SLC35F1: variants seen among roughly 807,000 people sequenced by gnomAD.
The protein encoded by SLC35F1 is solute carrier family 35 member F1, also known as chromosome 6 open reading frame 169.
In SLC35F1, 14 loss-of-function variants were observed where a neutral mutation model predicts 48.7. The ratio of observed to expected loss-of-function variants is 0.29; its 90% confidence interval spans 0.19 to 0.45. SLC35F1 has a LOEUF of 0.45. Among genes scored for constraint, SLC35F1 ranks in the 20% least tolerant of loss-of-function variants. The probability of loss-of-function intolerance (pLI) is 1.00; values close to 1 mark genes in which losing one functional copy is unlikely to be tolerated. For synonymous variants in SLC35F1, 190 were observed against 202.2 expected (o/e 0.94, Z 0.51); for missense variants, 404 against 500.0 (o/e 0.81, Z 1.83).
chr6:118,198,490 A>C (rs1210670739), intron 2 of SLC35F1, among the ~76,000 whole-genome samples: 1 of 152,226 alleles, frequency 6.6e-6, no homozygotes, highest in Non-Finnish European at 1.5e-5. Context: ...ATCTGAAAGC[A>C]AATTAGTGAA....
At chr6:117,985,680 ATACCTCTATCCATT>A (rs1275249414) in intron 1 of SLC35F1, among the ~76,000 whole-genome samples, 1 of 152,212 alleles carries the variant, frequency 6.6e-6, no homozygotes, top group African/African-American at 2.4e-5. Flanking sequence ...GAAACTGTGA[ATACCTCTATCCATT>A]GACTCATTTC....
rs1775740938 is a variant in SLC35F1 at position 118,263,835 on chromosome 6, GA to G, written c.478-3157del. Among the ~76,000 whole-genome samples, 3 of 152,176 alleles carry G rather than the reference GA, an allele frequency of 2.0e-5. No homozygotes were observed. The South Asian group carries it at 6.2e-4, about 32-fold the overall frequency. On this transcript the variant is annotated intron_variant, in intron 3 of 7. Transcript: ENST00000360388. ...GTTTTATGTTATGTGACCACGAGGG[GA>G]AAGCTGAAGGCAAAAATCACTAAAA...
chr6:117,921,453 T>A (rs1394428703), intron 1 of SLC35F1, among the ~76,000 whole-genome samples: 2 of 152,266 alleles, frequency 1.3e-5, no homozygotes, highest in African/African-American at 4.8e-5. Flanking sequence ...TTACTCTTTT[T>A]TAGCTGTTCT....
At chr6:118,185,208 C>T (rs991221576) in intron 2 of SLC35F1, among the ~76,000 whole-genome samples, 4 of 152,144 alleles carry the variant, frequency 2.6e-5, no homozygotes, top group African/African-American at 9.7e-5. Context: ...GAATATCTTT[C>T]TTGTGTGGGG....
At position 117,907,754 on chromosome 6, in the gene SLC35F1, C is replaced by T. The variant is rs766379962; in HGVS notation, c.28C>T (p.Gln10Ter). 1 of 1,557,524 alleles carries T rather than the reference C, an allele frequency of 6.4e-7. No homozygotes were observed. The highest frequency in any genetic ancestry group is 8.6e-7 in the Non-Finnish European group (1 of 1,160,782). Residue 10 changes from glutamine (Q) to a stop codon, truncating the protein, a stop_gained, in exon 1 of 8, where the codon CAG becomes TAG. Transcript: ENST00000360388. LOFTEE classifies it high-confidence loss of function. MIPPEQPQQ[Q>*]LQPPSPAPPN... is the part of the protein sequence containing the mutation. ...GATCCCCCCTGAGCAGCCGCAGCAG[C>T]AGCTGCAGCCGCCGTCGCCAGCCCC...
In SLC35F1 at chr6:117,971,492, T is replaced by C. The variant is rs531406785; in HGVS notation, c.173+63593T>C. 1.4e-4 allele frequency among the ~76,000 whole-genome samples: 21 copies of C among 152,352 alleles called. No homozygotes were observed. In the Middle Eastern group the frequency reaches 0.02, roughly 148 times the overall value. Reference sequence around the variant, plus strand: ...ACAGCTCCACTAAGCAGTGCCCCAGTAGGGACTCTGTGTGGGGACTCCAAC... The same window carrying C: ...ACAGCTCCACTAAGCAGTGCCCCAGCAGGGACTCTGTGTGGGGACTCCAAC... On this transcript the variant is annotated intron_variant, in intron 1 of 7. Transcript: ENST00000360388.
chr6:118,192,214 C>T lies in SLC35F1; in HGVS notation c.349+37594C>T, dbSNP rs370936738. Among the ~76,000 whole-genome samples, 9 of 152,138 alleles carry T rather than the reference C, an allele frequency of 5.9e-5. 1 individual carries two copies. The East Asian group carries it at 1.5e-3, about 26-fold the overall frequency. On this transcript the variant is annotated intron_variant, in intron 2 of 7. Coordinates refer to ENST00000360388, the MANE Select transcript of SLC35F1 (RefSeq NM_001029858.4). ...TATAGCTAAGCAGTTTCAGTATTCGCTGATTTAACATGCAAATCTGGCAAA... is the reference window on the plus strand; with the variant it reads ...TATAGCTAAGCAGTTTCAGTATTCGTTGATTTAACATGCAAATCTGGCAAA...
chr6:118,015,953 C>A (rs1437197266), intron 1 of SLC35F1, among the ~76,000 whole-genome samples: 1 of 152,118 alleles, frequency 6.6e-6, no homozygotes, highest in African/African-American at 2.4e-5. Flanking sequence ...CAGTTATTTG[C>A]TAAATAAATT....
intron 6 of SLC35F1, among the ~76,000 whole-genome samples, chr6:118,281,766 C>T (rs770637489): frequency 6.6e-6 from 1 of 152,204 alleles, no homozygotes; most frequent in Non-Finnish European, 1.5e-5. Context: ...CCCATTTGAA[C>T]ACCTTTGTAA....
At chr6:117,913,426 A>G (rs1478804927) in intron 1 of SLC35F1, among the ~76,000 whole-genome samples, 1 of 152,246 alleles carries the variant, frequency 6.6e-6, no homozygotes, top group Non-Finnish European at 1.5e-5. Flanking sequence ...TGACATGTGT[A>G]TCACTATTTA....
intron 1 of SLC35F1, among the ~76,000 whole-genome samples, chr6:117,973,066 T>C (rs1052407172): frequency 6.6e-6 from 1 of 152,172 alleles, no homozygotes; most frequent in Non-Finnish European, 1.5e-5. Context: ...TAGAAATTTA[T>C]TTTTTTCACA....
At chr6:118,266,924 A>C in intron 3 of SLC35F1, 71 bp from the exon 4 acceptor site, 1 of 1,552,092 alleles carries the variant, frequency 6.4e-7, no homozygotes. Flanking sequence ...GAACTAAATT[A>C]CTTTTCCCTA....
intron 1 of SLC35F1, among the ~76,000 whole-genome samples, chr6:118,003,740 A>AT (rs1777138119): frequency 1.3e-5 from 2 of 152,200 alleles, no homozygotes; most frequent in Non-Finnish European, 2.9e-5. Context: ...TATATTAATG[A>AT]TTTTACATTT....
At chr6:118,219,736 G>C (rs1775121147) in intron 2 of SLC35F1, among the ~76,000 whole-genome samples, 1 of 152,160 alleles carries the variant, frequency 6.6e-6, no homozygotes, top group African/African-American at 2.4e-5. Context: ...TATTGCAGCA[G>C]TATTCACAAT....
intron 2 of SLC35F1, among the ~76,000 whole-genome samples, chr6:118,159,036 T>C (rs750475121): frequency 5.9e-5 from 9 of 151,280 alleles, no homozygotes; most frequent in East Asian, 2.0e-4. Flanking sequence ...CTGGCTAACA[T>C]GGTGAAACCC....
intron 1 of SLC35F1, among the ~76,000 whole-genome samples, chr6:118,023,612 A>G (rs1299860816): frequency 6.6e-6 from 1 of 152,192 alleles, no homozygotes; most frequent in East Asian, 1.9e-4. Context: ...GGCCCTCACT[A>G]TTCATCTGTG....
At chr6:117,908,392 G>T (rs1457426709) in intron 1 of SLC35F1, among the ~76,000 whole-genome samples, 5 of 152,218 alleles carry the variant, frequency 3.3e-5, no homozygotes, top group Non-Finnish European at 4.4e-5. Flanking sequence ...GAATGGGGTC[G>T]CAGCGACAGC....
chr6:118,121,538 T>C (rs1460511386), intron 1 of SLC35F1, among the ~76,000 whole-genome samples: 4 of 152,204 alleles, frequency 2.6e-5, no homozygotes, highest in African/African-American at 4.8e-5. Context: ...TACAAATACC[T>C]CCTTAGTGAA....
At chr6:118,002,883 A>G (rs777843992) in intron 1 of SLC35F1, among the ~76,000 whole-genome samples, 29 of 152,002 alleles carry the variant, frequency 1.9e-4, no homozygotes, top group African/African-American at 6.3e-4. Context: ...TAGAACTCCA[A>G]CCATGCTATT....
Sources: gnomAD v4.1 joint callset for allele counts (sites outside exome capture counted in the v4.1 genomes callset) on GRCh38, gnomAD v4.1.1 for gene constraint, MANE v1.5 for transcripts, NCBI Gene and HGNC (gene_info 2026-07-23, HGNC 2026-07-21) for gene names.